PLEKHA5: variants seen among roughly 807,000 people sequenced by gnomAD.
The protein encoded by PLEKHA5 is pleckstrin homology domain containing A5.
A neutral mutation model predicts 181.9 loss-of-function variants in PLEKHA5; 55 were observed. That is an observed-to-expected ratio of 0.30 (90% confidence interval 0.24 to 0.38). The LOEUF (loss-of-function observed/expected upper bound fraction) is 0.38. PLEKHA5 is among the 10% of genes least tolerant of loss of function. The pLI is 1.00. For synonymous variants in PLEKHA5, 535 were observed against 529.4 expected (o/e 1.01, Z -0.15); for missense variants, 1,432 against 1,549.5 (o/e 0.92, Z 1.27).
intron 10 of PLEKHA5, among the ~76,000 whole-genome samples, chr12:19,273,854 C>G (rs1346510551): frequency 6.6e-6 from 1 of 152,132 alleles, no homozygotes; most frequent in African/African-American, 2.4e-5. Context: ...TCACAAGAAC[C>G]CTCTGATCTT....
chr12:19,258,345 A>T (rs542229978), intron 6 of PLEKHA5, among the ~76,000 whole-genome samples: 3 of 152,072 alleles, frequency 2.0e-5, no homozygotes, highest in African/African-American at 7.2e-5. Context: ...CTGATTCTAT[A>T]TACGTACAGA....
chr12:19,256,841 T>C (rs1003257266), intron 5 of PLEKHA5, among the ~76,000 whole-genome samples: 3 of 152,180 alleles, frequency 2.0e-5, no homozygotes, highest in Non-Finnish European at 2.9e-5. Context: ...TATATCCTTA[T>C]GTGTATTTTG....
intron 3 of PLEKHA5, chr12:19,150,715 A>G (rs929434144): frequency 9.2e-5 from 14 of 152,242 alleles, no homozygotes; most frequent in African/African-American, 3.4e-4. Context: ...TCACTGGTGC[A>G]TTGCAGACAC....
intron 3 of PLEKHA5, among the ~76,000 whole-genome samples, chr12:19,245,495 T>TAA (rs1188133563): frequency 1.3e-5 from 2 of 151,778 alleles, no homozygotes; most frequent in Admixed American, 1.3e-4. Context: ...TTGGGAAACT[T>TAA]AGAGGGCAGA....
intron 3 of PLEKHA5, among the ~76,000 whole-genome samples, chr12:19,194,519 A>G (rs1345120377): frequency 6.6e-6 from 1 of 152,216 alleles, no homozygotes; most frequent in Admixed American, 6.5e-5. Context: ...AGAAATCTTC[A>G]TACTGATTTC....
At position 19,265,798 on chromosome 12, in the gene PLEKHA5, A is replaced by G. The variant is rs1282133484; in HGVS notation, c.659A>G (p.Gln220Arg). The change falls in exon 8 of 32, where the codon CAG (glutamine) becomes CGG (arginine). Residue 220 changes from glutamine to arginine, a missense_variant. Around this residue, in one of 2 missense-constraint regions of PLEKHA5, gnomAD observed 289 missense variants for 381.1 expected, o/e 0.76. Transcript: ENST00000429027. ...GGAAGCATACTGTTACCTAGTTTTC[A>G]GATAGCTTTGCTTACCTCTGAAGAT... The part of the protein sequence containing the change: ...ILGSILLPSF[Q>R]IALLTSEDHI... 1 of 1,605,066 alleles carries G rather than the reference A, an allele frequency of 6.2e-7. No individual in the cohort carries two copies.
chr12:19,219,765 G>A (rs552202676), intron 3 of PLEKHA5, among the ~76,000 whole-genome samples: 1 of 151,948 alleles, frequency 6.6e-6, no homozygotes, highest in South Asian at 2.1e-4. Flanking sequence ...CTCAATTTCT[G>A]GTGTCATTCA....
chr12:19,365,837 GAA>G, intron 29 of PLEKHA5, 125 bp from the exon 30 acceptor site: 1 of 612,398 alleles, frequency 1.6e-6, no homozygotes, highest in East Asian at 3.0e-5. Context: ...TCAAAAGAAA[GAA>G]AAGATTAATT....
intron 20 of PLEKHA5, among the ~76,000 whole-genome samples, chr12:19,328,591 GTGTGTGTA>G (rs967476093): frequency 8.2e-5 from 12 of 146,006 alleles, no homozygotes; most frequent in African/African-American, 2.6e-4. Context: ...GTGTGTGTGT[GTGTGTGTA>G]TTGTAAATGG....
intron 21 of PLEKHA5, 131 bp downstream of exon 21, chr12:19,336,747 C>G: frequency 1.7e-6 from 1 of 581,394 alleles, no homozygotes; most frequent in Non-Finnish European, 3.0e-6. Flanking sequence ...GATTTGAATA[C>G]TTTTAATGAC....
Position 19,171,061 on chromosome 12 carries a change from T to A in PLEKHA5, c.227+38611T>A, listed in dbSNP as rs530715667. Among the ~76,000 whole-genome samples the A allele has an allele frequency of 3.9e-5, 6 of 152,318 alleles. No individual in the cohort carries two copies. The East Asian group carries it at 1.2e-3, about 29-fold the overall frequency. ...AAATGAGAATAGTAATTAATTGTGATAGAGATATTTCTCCTTGCTTTTTCC... is the reference window on the plus strand; with the variant it reads ...AAATGAGAATAGTAATTAATTGTGAAAGAGATATTTCTCCTTGCTTTTTCC... On this transcript the variant is annotated intron_variant, in intron 3 of 31. Coordinates refer to ENST00000429027, the MANE Select transcript of PLEKHA5 (RefSeq NM_001256470.2).
intron 15 of PLEKHA5, among the ~76,000 whole-genome samples, chr12:19,299,192 A>G (rs1293686666): frequency 2.6e-5 from 4 of 152,248 alleles, no homozygotes; most frequent in Non-Finnish European, 5.9e-5. Flanking sequence ...TGTCTGCCCA[A>G]CATCAGCATG....
chr12:19,343,844 G>C (rs1374354141), intron 22 of PLEKHA5, among the ~76,000 whole-genome samples: 1 of 152,146 alleles, frequency 6.6e-6, no homozygotes, highest in Non-Finnish European at 1.5e-5. Flanking sequence ...CCTGAGGTCA[G>C]GAGTTCAAGA....
chr12:19,322,718 C>G (rs2091174733), intron 20 of PLEKHA5, 51 bp downstream of exon 20: 1 of 1,273,968 alleles, frequency 7.8e-7, no homozygotes, highest in Non-Finnish European at 1.1e-6. Context: ...ATATGTAGTT[C>G]TATTTTCTTC....
chr12:19,181,529 A>G (rs2048578000), intron 3 of PLEKHA5, among the ~76,000 whole-genome samples: 1 of 152,094 alleles, frequency 6.6e-6, no homozygotes, highest in Non-Finnish European at 1.5e-5. Context: ...AATCTCAGCA[A>G]TTTGGGAGGC....
chr12:19,201,974 T>A, intron 3 of PLEKHA5: 1 of 895,400 alleles, frequency 1.1e-6, no homozygotes, highest in Non-Finnish European at 1.3e-6. Context: ...TACACTGCAA[T>A]AAAACTAAAT....
intron 16 of PLEKHA5, among the ~76,000 whole-genome samples, chr12:19,317,050 AT>A (rs1374172408): frequency 6.6e-6 from 1 of 152,176 alleles, no homozygotes; most frequent in Non-Finnish European, 1.5e-5. Context: ...TTTTCTTAAA[AT>A]TGGTCAATTA....
chr12:19,362,166 T>C (rs1280289690), intron 29 of PLEKHA5, among the ~76,000 whole-genome samples: 1 of 27,052 alleles, frequency 3.7e-5, no homozygotes, highest in Non-Finnish European at 7.7e-5. Flanking sequence ...AGACTCTGTC[T>C]CAAAAAAAAA....
intron 3 of PLEKHA5, among the ~76,000 whole-genome samples, chr12:19,195,672 C>CAAAAAAAAAAAAAAAAAAAAAAAAAAA (rs3056386): frequency 1.2e-5 from 1 of 81,606 alleles, no homozygotes; most frequent in African/African-American, 4.6e-5. Flanking sequence ...GACCCTGTCT[C>CAAAAAAAAAAAAAAAAAAAAAAAAAAA]AAAAAAAAAA....
Sources: gnomAD v4.1 joint callset for allele counts (sites outside exome capture counted in the v4.1 genomes callset) on GRCh38, gnomAD v4.1.1 for gene constraint, gnomAD v4.1.1 regional missense constraint, MANE v1.5 for transcripts, NCBI Gene and HGNC (gene_info 2026-07-23, HGNC 2026-07-21) for gene names.